Variants in GLRB observed in about 807,000 individuals in gnomAD.
The protein encoded by GLRB is glycine receptor beta, also known as glycine receptor subunit beta.
A neutral mutation model predicts 54.2 loss-of-function variants in GLRB; 33 were observed. The ratio of observed to expected loss-of-function variants is 0.61; its 90% CI spans 0.46 to 0.81. The LOEUF is 0.81. Ranked by LOEUF, GLRB falls within the 40% of genes least tolerant of loss-of-function variation. The probability of loss-of-function intolerance (pLI) is 0.00; values close to 1 mark genes in which losing one functional copy is unlikely to be tolerated. For missense variants in GLRB, 572 were observed against 584.6 expected, an observed-to-expected ratio of 0.98 and a Z score of 0.22; for synonymous variants, 209 against 208.2, an observed-to-expected ratio of 1.00 and a Z score of -0.03.
At chr4:157,088,749 T>C (rs1011089337) in intron 2 of GLRB, among the ~76,000 whole-genome samples, 5 of 152,172 alleles carry the variant, frequency 3.3e-5, no homozygotes, top group Non-Finnish European at 7.3e-5. Context: ...GATGTACCTT[T>C]TAGCTTACTT....
At chr4:157,156,486 C>G (rs920351235) in intron 9 of GLRB, among the ~76,000 whole-genome samples, 1 of 152,134 alleles carries the variant, frequency 6.6e-6, no homozygotes, top group Admixed American at 6.5e-5. Flanking sequence ...CATTGTTGAA[C>G]AGCAATAATC....
intron 8 of GLRB, among the ~76,000 whole-genome samples, chr4:157,147,581 T>C (rs961212639): frequency 6.6e-5 from 10 of 152,326 alleles, no homozygotes; most frequent in Non-Finnish European, 1.3e-4. Flanking sequence ...GTGTTTTTCA[T>C]TTTTTAAAGG....
At chr4:157,149,142 C>G (rs746029324) in intron 8 of GLRB, among the ~76,000 whole-genome samples, 48 of 152,084 alleles carry the variant, frequency 3.2e-4, no homozygotes, top group Admixed American at 9.8e-4. Flanking sequence ...TTACCAGTCT[C>G]TTTTGTTATG....
chr4:157,144,898 GT>G (rs550924936), intron 8 of GLRB, among the ~76,000 whole-genome samples: 1 of 151,780 alleles, frequency 6.6e-6, no homozygotes, highest in African/African-American at 2.4e-5. Flanking sequence ...GAAGAAATTT[GT>G]TTTTTTTACA....
At chr4:157,159,020 G>A (rs749968379) in intron 9 of GLRB, among the ~76,000 whole-genome samples, 4 of 152,086 alleles carry the variant, frequency 2.6e-5, no homozygotes, top group East Asian at 1.9e-4. Context: ...GCAGTAGTTC[G>A]TAGTTCTCCT....
chr4:157,166,047 A>C (rs1737696186), intron 9 of GLRB, among the ~76,000 whole-genome samples: 1 of 152,032 alleles, frequency 6.6e-6, no homozygotes, highest in South Asian at 2.1e-4. Flanking sequence ...TTTGCTTTTA[A>C]ATTTGTGTGG....
At chr4:157,159,567 C>A (rs1180688358) in intron 9 of GLRB, among the ~76,000 whole-genome samples, 2 of 152,018 alleles carry the variant, frequency 1.3e-5, no homozygotes, top group African/African-American at 2.4e-5. Flanking sequence ...TGTGGAAGGC[C>A]TTTTCTGCAT....
At chr4:157,112,837 A>G (rs1735471248) in intron 2 of GLRB, among the ~76,000 whole-genome samples, 1 of 151,962 alleles carries the variant, frequency 6.6e-6, no homozygotes, top group Admixed American at 6.6e-5. Flanking sequence ...AACTGTAGGC[A>G]GCCAACATTC....
In GLRB at chr4:157,170,556, C is replaced by T; in HGVS notation, c.1322C>T (p.Pro441Leu). The change falls in exon 10 of 10, where the codon CCC becomes CTC. Residue 441 changes from proline to leucine, a missense_variant. Transcript: ENST00000264428. The stretch of plus-strand genomic sequence containing the variant: ...TCCAATTATGACTGCTATGGAAAAC[C>T]CATTGAAGTTAACAACGGACTTGGG... Reference protein sequence around the residue: ...ELSNYDCYGKPIEVNNGLGKS... With the variant: ...ELSNYDCYGKLIEVNNGLGKS... 6.2e-7 allele frequency: 1 copy of T among 1,613,064 alleles called. No individual in the cohort carries two copies.
chr4:157,114,974 T>A (rs1379399032), intron 2 of GLRB, among the ~76,000 whole-genome samples: 1 of 151,522 alleles, frequency 6.6e-6, no homozygotes, highest in Non-Finnish European at 1.5e-5. Flanking sequence ...TGGAAGGGAG[T>A]CACTATGCAC....
At chr4:157,152,688 C>A in intron 8 of GLRB, 30 bp from the exon 9 acceptor site, 1 of 1,595,086 alleles carries the variant, frequency 6.3e-7, no homozygotes, top group Admixed American at 1.7e-5. Flanking sequence ...GGATAAAAAG[C>A]AACTTTCATT....
chr4:157,098,890 G>A (rs1408226615), intron 2 of GLRB, among the ~76,000 whole-genome samples: 3 of 152,160 alleles, frequency 2.0e-5, no homozygotes, highest in Non-Finnish European at 2.9e-5. Context: ...TTACAGGCAT[G>A]AGCTACCGTG....
At chr4:157,119,835 G>A (rs1437642940) in intron 2 of GLRB, among the ~76,000 whole-genome samples, 9 of 151,738 alleles carry the variant, frequency 5.9e-5, no homozygotes, top group African/African-American at 2.2e-4. Context: ...CGATTCCTCA[G>A]GGATCTAGAA....
At chr4:157,165,118 C>T (rs974923147) in intron 9 of GLRB, among the ~76,000 whole-genome samples, 2 of 151,874 alleles carry the variant, frequency 1.3e-5, no homozygotes, top group African/African-American at 4.8e-5. Flanking sequence ...AATGCACTTT[C>T]CAGAATAAAC....
chr4:157,170,411 G>A, intron 9 of GLRB, 21 bp from the exon 10 acceptor site: 1 of 1,454,036 alleles, frequency 6.9e-7, no homozygotes, highest in Non-Finnish European at 9.7e-7. Context: ...TAAATACATT[G>A]TCTTCAATAT....
rs373584684 is a variant in GLRB at position 157,136,796 on chromosome 4, G to A, written c.528-8G>A. 5.0e-6 allele frequency: 8 copies of A among 1,594,028 alleles called. No individual in the cohort carries two copies. The highest frequency in any genetic ancestry group is 6.9e-6 in the Non-Finnish European group (8 of 1,161,962). Reference sequence around the variant, plus strand: ...TAAATTATTTCTAAGACCCATTTCTGCTTCCAGGTTATCTATTACTCTTTC... The same window carrying A: ...TAAATTATTTCTAAGACCCATTTCTACTTCCAGGTTATCTATTACTCTTTC... On this transcript the variant is annotated splice_polypyrimidine_tract_variant and splice_region_variant and intron_variant, in intron 5 of 9. Coordinates refer to ENST00000264428, the MANE Select transcript of GLRB (RefSeq NM_000824.5).
At chr4:157,126,552 A>G (rs1420593044) in intron 4 of GLRB, among the ~76,000 whole-genome samples, 1 of 151,860 alleles carries the variant, frequency 6.6e-6, no homozygotes, top group African/African-American at 2.4e-5. Context: ...TATCATCCCA[A>G]TTTGAAGTTG....
rs368360620 is a variant in GLRB, at chr4:157,169,367, T to C, written c.1198-1065T>C. ...CTTTTGTAATATGTAAGTGCTATTC[T>C]CAATCATTGGTATTAGCCTACTCCT... On this transcript the variant is annotated intron_variant, in intron 9 of 9. Coordinates refer to ENST00000264428, the MANE Select transcript of GLRB (RefSeq NM_000824.5). 9.3e-4 allele frequency among the ~76,000 whole-genome samples: 141 copies of C among 152,258 alleles called. 1 individual carries two copies. The highest frequency in any genetic ancestry group is 3.3e-3 in the African/African-American group (136 of 41,564).
chr4:157,082,321 A>G (rs1042725317), intron 2 of GLRB, among the ~76,000 whole-genome samples: 1 of 152,162 alleles, frequency 6.6e-6, no homozygotes, highest in Non-Finnish European at 1.5e-5. Flanking sequence ...TGCCACTCAT[A>G]CATAATACAG....
Sources: allele counts gnomAD v4.1 joint callset (sites outside exome capture counted in the v4.1 genomes callset), GRCh38; gene constraint gnomAD v4.1.1; transcripts MANE v1.5; gene names NCBI Gene and HGNC (gene_info 2026-07-23, HGNC 2026-07-21).